MGMT: variants seen among roughly 807,000 people sequenced by gnomAD.
The protein encoded by MGMT is methylated-DNA--protein-cysteine methyltransferase.
Under a neutral mutation model 15.9 loss-of-function variants are expected in MGMT, and 14 were observed. The ratio of observed to expected loss-of-function variants is 0.88; its 90% CI spans 0.58 to 1.37. MGMT has a LOEUF of 1.37. Among genes scored for constraint, MGMT ranks in the 40% most tolerant of loss-of-function variants. The pLI is 0.00. For synonymous variants in MGMT, 130 were observed against 118.2 expected (o/e 1.10, Z -0.65); for missense variants, 282 against 268.1 (o/e 1.05, Z -0.36).
rs1845932698 is a variant in MGMT at position 129,531,608 on chromosome 10, C to T, written c.-12-4633C>T. 2.0e-5 allele frequency among the ~76,000 whole-genome samples: 3 copies of T among 152,094 alleles called. No individual in the cohort carries two copies. In the South Asian group the frequency reaches 6.2e-4, roughly 32 times the overall value. Reference sequence around the variant, plus strand: ...GCTTCTGTCCTGTAGAGGCCTCAGCCATTGCATTTTAGGAATCGGCACTAA... The same window carrying T: ...GCTTCTGTCCTGTAGAGGCCTCAGCTATTGCATTTTAGGAATCGGCACTAA... On this transcript the variant is annotated intron_variant, in intron 1 of 4. Coordinates refer to ENST00000651593, the MANE Select transcript of MGMT (RefSeq NM_002412.5).
chr10:129,756,206 A>T (rs1224972735), intron 3 of MGMT, among the ~76,000 whole-genome samples: 5 of 152,210 alleles, frequency 3.3e-5, no homozygotes, highest in Non-Finnish European at 7.3e-5. Context: ...AAATGAAAAT[A>T]GCCATGTCCT....
intron 2 of MGMT, among the ~76,000 whole-genome samples, chr10:129,677,871 G>A (rs1400449277): frequency 6.6e-6 from 1 of 152,150 alleles, no homozygotes; most frequent in East Asian, 1.9e-4. Flanking sequence ...CAGCAGCACT[G>A]CCCTTCAGCT....
chr10:129,676,495 G>A (rs912441958), intron 2 of MGMT, among the ~76,000 whole-genome samples: 3 of 152,216 alleles, frequency 2.0e-5, no homozygotes, highest in South Asian at 2.1e-4. Flanking sequence ...GGCGTACTCT[G>A]CGAGGGTCCC....
chr10:129,699,766 C>G (rs1281642342), intron 2 of MGMT, among the ~76,000 whole-genome samples: 1 of 152,154 alleles, frequency 6.6e-6, no homozygotes, highest in Non-Finnish European at 1.5e-5. Context: ...ACCCGTCCTT[C>G]TCCAGGAAGA....
intron 2 of MGMT, among the ~76,000 whole-genome samples, chr10:129,668,584 C>T (rs1470913861): frequency 6.6e-6 from 1 of 152,174 alleles, no homozygotes; most frequent in Non-Finnish European, 1.5e-5. Context: ...GTTGTCTATT[C>T]CATTTTATTG....
At chr10:129,614,271 C>G (rs371952090) in intron 2 of MGMT, among the ~76,000 whole-genome samples, 1 of 152,192 alleles carries the variant, frequency 6.6e-6, no homozygotes, top group Non-Finnish European at 1.5e-5. Flanking sequence ...CTTCCTCAGG[C>G]TGGATATGGG....
At chr10:129,719,018 A>T (rs1407769693) in intron 3 of MGMT, among the ~76,000 whole-genome samples, 1 of 150,572 alleles carries the variant, frequency 6.6e-6, no homozygotes, top group Admixed American at 6.6e-5. Flanking sequence ...CCTTCCTGAG[A>T]TGTCTAGAGC....
At chr10:129,650,303 A>G (rs1342776331) in intron 2 of MGMT, among the ~76,000 whole-genome samples, 1 of 151,994 alleles carries the variant, frequency 6.6e-6, no homozygotes, top group Non-Finnish European at 1.5e-5. Context: ...TGTTGTTGTA[A>G]ATCTGGTGTC....
intron 3 of MGMT, among the ~76,000 whole-genome samples, chr10:129,747,387 T>G (rs1848706525): frequency 6.6e-6 from 1 of 152,210 alleles, no homozygotes; most frequent in Non-Finnish European, 1.5e-5. Flanking sequence ...TGCTGAGAGC[T>G]TTTATCATGA....
At chr10:129,746,934 A>G (rs1191753576) in intron 3 of MGMT, among the ~76,000 whole-genome samples, 1 of 152,190 alleles carries the variant, frequency 6.6e-6, no homozygotes, top group African/African-American at 2.4e-5. Flanking sequence ...TTAGAATTCA[A>G]ATTTTATGAT....
intron 2 of MGMT, among the ~76,000 whole-genome samples, chr10:129,630,174 G>C (rs932660534): frequency 5.3e-5 from 8 of 152,224 alleles, no homozygotes; most frequent in African/African-American, 1.9e-4. Flanking sequence ...TTAATATGCA[G>C]CTCTCTCAAC....
intron 3 of MGMT, among the ~76,000 whole-genome samples, chr10:129,745,019 C>T (rs983522526): frequency 1.1e-4 from 16 of 152,106 alleles, no homozygotes; most frequent in Admixed American, 5.2e-4. Flanking sequence ...CCTGGTCCTC[C>T]GTGAGTCTGG....
At chr10:129,508,445 G>A (rs1845646875) in intron 1 of MGMT, among the ~76,000 whole-genome samples, 1 of 151,952 alleles carries the variant, frequency 6.6e-6, no homozygotes, top group South Asian at 2.1e-4. Flanking sequence ...ACACTTAGAA[G>A]TTAAAGGTGG....
At chr10:129,492,655 G>A (rs1190599117) in intron 1 of MGMT, among the ~76,000 whole-genome samples, 1 of 152,162 alleles carries the variant, frequency 6.6e-6, no homozygotes, top group African/African-American at 2.4e-5. Context: ...GACTGCCACG[G>A]TGCTCCCCAT....
At chr10:129,654,284 G>A (rs575660048) in intron 2 of MGMT, among the ~76,000 whole-genome samples, 1 of 152,150 alleles carries the variant, frequency 6.6e-6, no homozygotes, top group Non-Finnish European at 1.5e-5. Context: ...AGGATGGAAA[G>A]GGGTGCAGGG....
At chr10:129,705,758 C>A (rs145993821) in intron 2 of MGMT, among the ~76,000 whole-genome samples, 1 of 152,326 alleles carries the variant, frequency 6.6e-6, no homozygotes, top group East Asian at 1.9e-4. Context: ...GGCTGTGGTC[C>A]TCCTGGACAC....
chr10:129,571,889 A>T (rs765278676), intron 2 of MGMT, among the ~76,000 whole-genome samples: 1 of 152,232 alleles, frequency 6.6e-6, no homozygotes, highest in Non-Finnish European at 1.5e-5. Context: ...TAACCTCTTC[A>T]TGCATGCAAG....
rs146481437 is a variant in MGMT at position 129,659,634 on chromosome 10, C to T, written c.126-48261C>T. On this transcript the variant is annotated intron_variant, in intron 2 of 4. Transcript: ENST00000651593. This position sits in a 1 kb window ranked among gnomAD's most constrained non-coding sequence, Gnocchi z 4.1. ...GTGAGGAAGTAGCATGTACAAAGGC[C>T]CTGAAGATGAATGACTGTGTGAAAT... 1.3e-5 allele frequency among the ~76,000 whole-genome samples: 2 copies of T among 151,960 alleles called. No individual in the cohort carries two copies. Among genetic ancestry groups the T allele is most frequent in the Non-Finnish European group, 1.5e-5 (1 of 68,006 alleles).
rs139348751 is a variant in MGMT, at chr10:129,573,157, G to A, written c.125+36780G>A. Among the ~76,000 whole-genome samples, 52 of 152,144 alleles carry A rather than the reference G, an allele frequency of 3.4e-4. No individual in the cohort carries two copies. The East Asian group carries it at 4.8e-3, about 14-fold the overall frequency. ...GGTAAAATGCTTGCTTTTGTTTCCT[G>A]TTGGGTTATTTTGTCTTTTTCTTAT... On this transcript the variant is annotated intron_variant, in intron 2 of 4. Coordinates refer to ENST00000651593, the MANE Select transcript of MGMT (RefSeq NM_002412.5).
Sources: gnomAD v4.1 joint callset for allele counts (sites outside exome capture counted in the v4.1 genomes callset) on GRCh38, gnomAD v4.1.1 for gene constraint, Gnocchi (gnomAD v3.1) non-coding constraint, MANE v1.5 for transcripts, NCBI Gene and HGNC (gene_info 2026-07-23, HGNC 2026-07-21) for gene names.